SCEL: variants seen among roughly 807,000 people sequenced by gnomAD.
The protein encoded by SCEL is sciellin.
Under a neutral mutation model 117.6 loss-of-function variants are expected in SCEL, and 113 were observed. That is an observed-to-expected ratio of 0.96 (90% CI 0.83 to 1.12). SCEL has a LOEUF of 1.12. SCEL is among the 50% of genes most tolerant of loss of function. SCEL has a pLI of 0.00. For missense variants in SCEL, 785 were observed against 810.8 expected (o/e 0.97, Z 0.39); for synonymous variants, 270 against 256.2 (o/e 1.05, Z -0.51).
At position 77,572,229 on chromosome 13, in the gene SCEL, A is replaced by T. The variant is rs372605981; in HGVS notation, c.545+40A>T. 84 of 1,416,070 alleles carry T rather than the reference A, an allele frequency of 5.9e-5. No homozygotes were observed. The African/African-American group carries it at 1.1e-3, about 19-fold the overall frequency. The allele number at this position is 1,416,070 out of a possible 1,614,324, so 87.7% of individuals were successfully genotyped here. On this transcript the variant is annotated intron_variant, in intron 9 of 32. Transcript: ENST00000349847. ...TCAGGCGTAATTGCTGTGCCATTAGATGGAAGAACATGTCAGACATTGACA... is the reference window on the plus strand; with the variant it reads ...TCAGGCGTAATTGCTGTGCCATTAGTTGGAAGAACATGTCAGACATTGACA...
chr13:77,539,194 C>G (rs1029935572), intron 1 of SCEL, among the ~76,000 whole-genome samples: 1 of 151,356 alleles, frequency 6.6e-6, no homozygotes, highest in Non-Finnish European at 1.5e-5. Context: ...ACTCACAGCA[C>G]CAGCAGATAA....
chr13:77,562,053 C>G (rs1251274107), intron 4 of SCEL, among the ~76,000 whole-genome samples: 3 of 152,204 alleles, frequency 2.0e-5, no homozygotes, highest in Non-Finnish European at 4.4e-5. Flanking sequence ...ATCATTTAAA[C>G]ATGTCAAATA....
intron 12 of SCEL, among the ~76,000 whole-genome samples, chr13:77,596,797 T>C (rs909103959): frequency 2.7e-4 from 41 of 151,540 alleles, no homozygotes; most frequent in African/African-American, 8.7e-4. Flanking sequence ...AAGAAACCAA[T>C]AGCACTGTGG....
intron 8 of SCEL, among the ~76,000 whole-genome samples, chr13:77,570,659 C>G (rs775487278): frequency 6.6e-6 from 1 of 152,184 alleles, no homozygotes; most frequent in Non-Finnish European, 1.5e-5. Context: ...GCATATCATT[C>G]TCATCTGAAT....
At chr13:77,630,978 A>G (rs1444289562) in intron 28 of SCEL, among the ~76,000 whole-genome samples, 4 of 152,172 alleles carry the variant, frequency 2.6e-5, no homozygotes, top group Non-Finnish European at 5.9e-5. Flanking sequence ...CTGTTTCCCA[A>G]ACTTTTGGGT....
At chr13:77,555,130 A>G (rs778111422) in intron 1 of SCEL, among the ~76,000 whole-genome samples, 2 of 152,120 alleles carry the variant, frequency 1.3e-5, no homozygotes, top group Non-Finnish European at 2.9e-5. Flanking sequence ...GTGTGTGTGT[A>G]TGTCTGTGTG....
chr13:77,540,586 T>C (rs574938345), intron 1 of SCEL, among the ~76,000 whole-genome samples: 1 of 152,140 alleles, frequency 6.6e-6, no homozygotes, highest in Admixed American at 6.5e-5. Context: ...AATGAGGGGT[T>C]GAGGGAAGTT....
At chr13:77,610,138 C>CA in intron 22 of SCEL, 32 bp downstream of exon 22, 1 of 1,516,694 alleles carries the variant, frequency 6.6e-7, no homozygotes, top group South Asian at 1.2e-5. Flanking sequence ...ATTTCTCCCC[C>CA]CTTTTTTTTT....
chr13:77,606,324 C>T (rs552338209), intron 19 of SCEL, among the ~76,000 whole-genome samples: 7 of 152,118 alleles, frequency 4.6e-5, no homozygotes, highest in East Asian at 3.9e-4. Context: ...TGTGTGTGAG[C>T]GTATGCGTAG....
rs1242991603 is a variant in SCEL, at chr13:77,613,896, T to G, written c.1392T>G (p.Ser464Arg). 6.2e-7 allele frequency: 1 copy of G among 1,613,154 alleles called. No individual in the cohort carries two copies. The highest frequency in any genetic ancestry group is 8.5e-7 in the Non-Finnish European group (1 of 1,179,386). ...IKVIPSANKS[S>R]EQGLDEHINV... is the part of the protein sequence containing the mutation. Reference sequence around the variant, plus strand: ...ATTTCCTCTAATTTTGTTTTAGCAGTGAACAAGGTCTTGATGAACATATTA... The same window carrying G: ...ATTTCCTCTAATTTTGTTTTAGCAGGGAACAAGGTCTTGATGAACATATTA... Residue 464 changes from serine (S) to arginine (R), a missense_variant, in exon 24 of 33, where the codon AGT (serine) becomes AGG (arginine). Transcript: ENST00000349847.
chr13:77,627,033 A>G (rs1439479092), intron 27 of SCEL, among the ~76,000 whole-genome samples: 1 of 152,224 alleles, frequency 6.6e-6, no homozygotes, highest in Admixed American at 6.5e-5. Flanking sequence ...AAGGGTGTCA[A>G]ATCATTAATG....
intron 5 of SCEL, among the ~76,000 whole-genome samples, chr13:77,567,224 C>T (rs538405257): frequency 7.2e-5 from 11 of 152,250 alleles, no homozygotes; most frequent in African/African-American, 2.2e-4. Flanking sequence ...GAGGTGGAGG[C>T]GGATGGGTTA....
rs774017972 is a variant in SCEL at position 77,645,169 on chromosome 13, G to T, written c.*895G>T. 1.3e-5 allele frequency: 2 copies of T among 151,910 alleles called. No individual in the cohort carries two copies. The highest frequency in any genetic ancestry group is 2.9e-5 in the Non-Finnish European group (2 of 67,938). The allele number at this position is 151,910 out of a possible 1,614,324, so 9.4% of individuals were successfully genotyped here. A position where few individuals can be genotyped will look rare whatever the true frequency, so the allele number is the denominator to read the frequency against. Reference sequence around the variant, plus strand: ...AGAAGTAATGGTTATGGACTAAAAAGATATGTTCTTTAGTATGTTATATAT... The same window carrying T: ...AGAAGTAATGGTTATGGACTAAAAATATATGTTCTTTAGTATGTTATATAT... On this transcript the variant is annotated 3_prime_UTR_variant, in exon 33 of 33. Transcript: ENST00000349847.
At chr13:77,550,532 C>G (rs79719584) in intron 1 of SCEL, among the ~76,000 whole-genome samples, 4,735 of 151,968 alleles carry the variant, frequency 0.031, 99 homozygotes, top group South Asian at 0.068. Flanking sequence ...TTCACCTCTC[C>G]CCTTAACCCC....
chr13:77,546,100 GTCAGGCCACT>G (rs1267283797), intron 1 of SCEL, among the ~76,000 whole-genome samples: 3 of 152,312 alleles, frequency 2.0e-5, no homozygotes, highest in East Asian at 3.9e-4. Context: ...CAGGAACCAT[GTCAGGCCACT>G]TCAGGCCACT....
chr13:77,602,000 A>G, intron 15 of SCEL, 65 bp from the exon 16 acceptor site: 2 of 1,292,256 alleles, frequency 1.5e-6, no homozygotes, highest in Non-Finnish European at 2.2e-6. Context: ...GAGAGTCTGA[A>G]TATATCACTG....
chr13:77,539,541 ATT>A (rs890441365), intron 1 of SCEL, among the ~76,000 whole-genome samples: 2 of 145,898 alleles, frequency 1.4e-5, no homozygotes, highest in African/African-American at 2.5e-5. Flanking sequence ...TTAGAAAATA[ATT>A]TTTTTTTTTT....
intron 24 of SCEL, among the ~76,000 whole-genome samples, chr13:77,616,656 G>A (rs2089068256): frequency 6.6e-6 from 1 of 151,146 alleles, no homozygotes; most frequent in African/African-American, 2.4e-5. Context: ...AAAGGTTGAA[G>A]GCTGGGGAAG....
chr13:77,636,500 A>ATTTCCC lies in SCEL; in HGVS notation c.1764-620_1764-619insTTTCCC, dbSNP rs2090285087. Among the ~76,000 whole-genome samples the ATTTCCC allele has an allele frequency of 2.0e-5, 3 of 152,312 alleles. No individual in the cohort carries two copies. In the South Asian group the frequency reaches 6.2e-4, roughly 32 times the overall value. ...TTCTTAATATATGCCCAGATAGCAT[A>ATTTCCC]AGTACTTGGAAAGCAATTATGGGAG... is the stretch of plus-strand genomic sequence containing the variant. On this transcript the variant is annotated intron_variant, in intron 29 of 32. Coordinates refer to ENST00000349847, the MANE Select transcript of SCEL (RefSeq NM_144777.3).
Sources: gnomAD v4.1 joint callset for allele counts (sites outside exome capture counted in the v4.1 genomes callset) on GRCh38, gnomAD v4.1.1 for gene constraint, MANE v1.5 for transcripts, NCBI Gene and HGNC (gene_info 2026-07-23, HGNC 2026-07-21) for gene names.